The following TESPA1 variants were observed in gnomAD, a reference collection of about 807,000 sequenced individuals.
TESPA1 encodes the protein thymocyte expressed, positive selection associated 1.
In TESPA1, 33 loss-of-function variants were observed where a neutral mutation model predicts 57.9. The observed-to-expected ratio is 0.57, with a 90% CI of 0.43 to 0.76. The LOEUF is 0.76. TESPA1 is among the 30% of genes least tolerant of loss of function. TESPA1 has a pLI of 0.00. For missense variants in TESPA1, 618 were observed against 632.9 expected, an observed-to-expected ratio of 0.98 and a Z score of 0.25; for synonymous variants, 227 against 228.9, an observed-to-expected ratio of 0.99 and a Z score of 0.07.
chr12:54,956,764 G>A (rs768691243), intron 10 of TESPA1, among the ~76,000 whole-genome samples: 11 of 152,128 alleles, frequency 7.2e-5, no homozygotes, highest in Admixed American at 1.3e-4. Context: ...AATTCTGGAG[G>A]CTGGCAAATC....
intron 1 of TESPA1, among the ~76,000 whole-genome samples, chr12:54,979,376 CA>C (rs1194141250): frequency 3.3e-5 from 5 of 152,150 alleles, no homozygotes; most frequent in Non-Finnish European, 7.3e-5. Context: ...ATCTGTTCTC[CA>C]ATTTTCCCAT....
chr12:54,953,505 A>T (rs1950527121), intron 10 of TESPA1, among the ~76,000 whole-genome samples: 1 of 142,020 alleles, frequency 7.0e-6, no homozygotes, highest in African/African-American at 2.6e-5. Flanking sequence ...TACCTTCTCT[A>T]CATCTTTTTT....
chr12:54,962,929 C>G lies in TESPA1; in HGVS notation c.969G>C (p.Val323=). The G allele has an allele frequency of 6.2e-7, 1 of 1,613,738 alleles. No individual in the cohort carries two copies. Among genetic ancestry groups the G allele is most frequent in the Non-Finnish European group, 8.5e-7 (1 of 1,179,846 alleles). The change falls in exon 9 of 11, where the codon GTG becomes GTC. Residue 323 remains valine, a synonymous_variant. Coordinates refer to ENST00000449076, the MANE Select transcript of TESPA1 (RefSeq NM_001136030.3). ...GCTGGAGGAACTGCTTCTCTTCTTT[C>G]ACTTTGTCCATCACTTCCAACACAA... ...DQVVLEVMDK[V]KEEKQFLQQD...
Position 54,962,723 on chromosome 12 carries a change from G to T in TESPA1, c.1175C>A (p.Thr392Lys), listed in dbSNP as rs751316477. The T allele has an allele frequency of 6.2e-7, 1 of 1,613,986 alleles. No individual in the cohort carries two copies. The change falls in exon 9 of 11, where the codon ACA becomes AAA. Residue 392 changes from threonine (T) to lysine (K), a missense_variant. Thr to Lys is a moderately conservative substitution (Grantham distance 78). This residue lies in a region of TESPA1 where 409 missense variants were observed against 420.1 expected (regional missense o/e 0.97). Transcript: ENST00000449076. ...LDSNPKVPCCTHSLPIEDPQW... is the reference protein window; with the variant it reads ...LDSNPKVPCCKHSLPIEDPQW... Reference sequence around the variant, plus strand: ...TGGATCTTCTATGGGCAGAGAATGTGTGCAACAGGGTACCTTGGGGTTCGA... The same window carrying T: ...TGGATCTTCTATGGGCAGAGAATGTTTGCAACAGGGTACCTTGGGGTTCGA...
intron 1 of TESPA1, among the ~76,000 whole-genome samples, chr12:54,981,152 G>C (rs1414019134): frequency 6.6e-6 from 1 of 152,092 alleles, no homozygotes; most frequent in East Asian, 1.9e-4. Flanking sequence ...GTTGTAATCA[G>C]GTAACACATA....
Position 54,974,476 on chromosome 12 carries a change from T to G in TESPA1, c.87A>C (p.Leu29=), listed in dbSNP as rs372476000. ...RQSRNWQTQV[L]EEEAAAALQD... is the part of the protein sequence containing the mutation. Reference sequence around the variant, plus strand: ...GCAGGGCGGCGGCAGCCTCCTCTTCTAGGACCTGGGTCTGCCAGTTACGGC... The same window carrying G: ...GCAGGGCGGCGGCAGCCTCCTCTTCGAGGACCTGGGTCTGCCAGTTACGGC... The change falls in exon 2 of 11, where the codon CTA becomes CTC. Residue 29 remains leucine (L), a synonymous_variant. Coordinates refer to ENST00000449076, the MANE Select transcript of TESPA1 (RefSeq NM_001136030.3). 3.3e-5 allele frequency: 53 copies of G among 1,606,902 alleles called. No homozygotes were observed. The African/African-American group carries it at 6.7e-4, about 20-fold the overall frequency.
At position 54,974,598 on chromosome 12, in the gene TESPA1, T is replaced by G. The variant is rs776962065; in HGVS notation, c.-36A>C. ...CAGACTTCAGGGCCTCCCGTAACAG[T>G]AATGCCGTCCTAAGAGTTGAAAAAC... On this transcript the variant is annotated 5_prime_UTR_variant, in exon 2 of 11. Coordinates refer to ENST00000449076, the MANE Select transcript of TESPA1 (RefSeq NM_001136030.3). 6.7e-7 allele frequency: 1 copy of G among 1,488,888 alleles called. No homozygotes were observed. The highest frequency in any genetic ancestry group is 9.0e-7 in the Non-Finnish European group (1 of 1,114,734). The allele number at this position is 1,488,888 out of a possible 1,614,324, so 92.2% of individuals were successfully genotyped here. A position where few individuals can be genotyped will look rare whatever the true frequency, so the allele number is the denominator to read the frequency against.
At position 54,963,952 on chromosome 12, in the gene TESPA1, T is replaced by C. The variant is rs1951250018; in HGVS notation, c.447-2A>G. 1 of 1,612,328 alleles carries C rather than the reference T, an allele frequency of 6.2e-7. No homozygotes were observed. The highest frequency in any genetic ancestry group is 8.5e-7 in the Non-Finnish European group (1 of 1,178,386). On this transcript the variant is annotated splice_acceptor_variant, in intron 7 of 10. Transcript: ENST00000449076. LOFTEE classifies it high-confidence loss of function. ...ACTTTGTCCAGAATTTCTGAGATGC[T>C]GAAATGAGGGAGTTTGGGTAAATAA...
intron 1 of TESPA1, 121 bp downstream of exon 1, chr12:54,984,464 G>A (rs998702402): frequency 6.6e-6 from 1 of 152,222 alleles, no homozygotes; most frequent in African/African-American, 2.4e-5. Flanking sequence ...AGTGGTGGGA[G>A]ATTTTCTCTT....
At chr12:54,976,913 G>A (rs1000294733) in intron 1 of TESPA1, among the ~76,000 whole-genome samples, 1 of 151,496 alleles carries the variant, frequency 6.6e-6, no homozygotes, top group African/African-American at 2.4e-5. Flanking sequence ...TTTTAACCTC[G>A]GTTTTCTCAA....
Position 54,963,008 on chromosome 12 carries a change from C to CGGG in TESPA1, c.887_889dup (p.Pro296dup). Reference sequence around the variant, plus strand: ...GTTGTGGGGTGGTGGTGGCCGGTCTCGGGGGCATGTGTACAGACACATCTT... The same window carrying CGGG: ...GTTGTGGGGTGGTGGTGGCCGGTCTCGGGGGGGGCATGTGTACAGACACATCTT... On this transcript the variant is annotated inframe_insertion, in exon 9 of 11. Transcript: ENST00000449076. The CGGG allele has an allele frequency of 6.2e-7, 1 of 1,613,680 alleles. No individual in the cohort carries two copies. The highest frequency in any genetic ancestry group is 8.5e-7 in the Non-Finnish European group (1 of 1,179,822).
At chr12:54,952,932 T>C (rs992528609) in intron 10 of TESPA1, among the ~76,000 whole-genome samples, 102 of 152,296 alleles carry the variant, frequency 6.7e-4, no homozygotes, top group African/African-American at 2.4e-3. Context: ...TGTTCCTTAT[T>C]CCATTTTTCT....
chr12:54,967,178 C>T lies in TESPA1; in HGVS notation c.310+5G>A, dbSNP rs764067481. 6.2e-7 allele frequency: 1 copy of T among 1,613,154 alleles called. No homozygotes were observed. ...ATCCCAACCTCAGAGAACTGTGCCACTTACCCTCCGCTCCCAGGGTCAAGT... is the reference window on the plus strand; with the variant it reads ...ATCCCAACCTCAGAGAACTGTGCCATTTACCCTCCGCTCCCAGGGTCAAGT... On this transcript the variant is annotated splice_donor_5th_base_variant and intron_variant, in intron 5 of 10. Transcript: ENST00000449076.
intron 3 of TESPA1, among the ~76,000 whole-genome samples, chr12:54,969,592 T>C (rs1202278563): frequency 6.6e-6 from 1 of 152,126 alleles, no homozygotes; most frequent in Non-Finnish European, 1.5e-5. Flanking sequence ...ATTATAAAAT[T>C]AAACAATTAT....
rs1159124408 is a variant in TESPA1 at position 54,950,322 on chromosome 12, G to A, written c.*70C>T. 2.4e-5 allele frequency: 11 copies of A among 456,862 alleles called. No individual in the cohort carries two copies. Among genetic ancestry groups the A allele is most frequent in the Middle Eastern group, 3.2e-4 (1 of 3,090 alleles). 28.3% of individuals were successfully genotyped at this position (456,862 alleles called of 1,614,324 possible). On this transcript the variant is annotated 3_prime_UTR_variant, in exon 11 of 11. Coordinates refer to ENST00000449076, the MANE Select transcript of TESPA1 (RefSeq NM_001136030.3). ...GAGGGCAGTGCAGTTTCCTGCAAGA[G>A]GTGGCTTTTAGTTTCTTCTTTGAAG...
At chr12:54,963,996 A>G (rs1343144398) in intron 7 of TESPA1, 46 bp from the exon 8 acceptor site, 2 of 1,558,022 alleles carry the variant, frequency 1.3e-6, no homozygotes, top group Non-Finnish European at 8.8e-7. Flanking sequence ...TTTGAGACAC[A>G]TGGTAATTCA....
rs183639147 is a variant in TESPA1 at position 54,951,806 on chromosome 12, C to T, written c.*2-1416G>A. On this transcript the variant is annotated intron_variant, in intron 10 of 10. Coordinates refer to ENST00000449076, the MANE Select transcript of TESPA1 (RefSeq NM_001136030.3). The stretch of plus-strand genomic sequence containing the variant: ...CTAATCAATATTGCTCCTTTATATA[C>T]GTTGTTCCTTGATAAAACTTTAAAT... Among the ~76,000 whole-genome samples, 24 of 151,352 alleles carry T rather than the reference C, an allele frequency of 1.6e-4. No individual in the cohort carries two copies. In the East Asian group the frequency reaches 2.1e-3, roughly 13 times the overall value.
chr12:54,950,669 G>T (rs1394400092), intron 10 of TESPA1, among the ~76,000 whole-genome samples: 1 of 152,182 alleles, frequency 6.6e-6, no homozygotes, highest in African/African-American at 2.4e-5. Context: ...GCTGAACACT[G>T]TTGGAGAATA....
intron 1 of TESPA1, 138 bp from the exon 2 acceptor site, chr12:54,974,745 G>A (rs1952056110): frequency 1.3e-5 from 6 of 474,468 alleles, no homozygotes; most frequent in Admixed American, 4.3e-5. Flanking sequence ...GGGAGGACAT[G>A]CCTAGCTCAT....
Sources: allele counts gnomAD v4.1 joint callset (sites outside exome capture counted in the v4.1 genomes callset), GRCh38; gene constraint gnomAD v4.1.1; regional missense constraint gnomAD v4.1.1; transcripts MANE v1.5; gene names NCBI Gene and HGNC (gene_info 2026-07-23, HGNC 2026-07-21).